The following GALNT7 variants were observed in gnomAD, a reference collection of about 807,000 sequenced individuals.
GALNT7 encodes polypeptide N-acetylgalactosaminyltransferase 7.
Under a neutral mutation model 82.1 loss-of-function variants are expected in GALNT7, and 60 were observed. That is an observed-to-expected ratio of 0.73 (90% CI 0.59 to 0.91). The LOEUF (loss-of-function observed/expected upper bound fraction) is 0.91. Among genes scored for constraint, GALNT7 ranks in the 40% least tolerant of loss-of-function variants. The probability of loss-of-function intolerance (pLI) is 0.00; values close to 1 mark genes in which losing one functional copy is unlikely to be tolerated. For synonymous variants in GALNT7, 243 were observed against 275.1 expected (o/e 0.88, Z 1.15); for missense variants, 660 against 804.2 (o/e 0.82, Z 2.17).
chr4:173,219,105 G>A (rs967777360), intron 1 of GALNT7, among the ~76,000 whole-genome samples: 1 of 152,002 alleles, frequency 6.6e-6, no homozygotes, highest in African/African-American at 2.4e-5. Context: ...TAGCCAATGT[G>A]TAGTCTTTTA....
At chr4:173,235,421 T>A (rs1356906405) in intron 1 of GALNT7, among the ~76,000 whole-genome samples, 1 of 152,200 alleles carries the variant, frequency 6.6e-6, no homozygotes, top group Non-Finnish European at 1.5e-5. Context: ...TAGGCCTTCC[T>A]TCTACAGGCA....
chr4:173,175,068 A>T (rs1432964151), intron 1 of GALNT7, among the ~76,000 whole-genome samples: 1 of 152,226 alleles, frequency 6.6e-6, no homozygotes, highest in Non-Finnish European at 1.5e-5. Context: ...TTGAGTTATT[A>T]AAAAAGTTGG....
At chr4:173,241,223 A>AG (rs113027555) in intron 1 of GALNT7, among the ~76,000 whole-genome samples, 11 of 146,694 alleles carry the variant, frequency 7.5e-5, no homozygotes, top group East Asian at 2.0e-4. Context: ...AAAAAAAAAA[A>AG]AAGAAAGAAA....
In GALNT7 at chr4:173,320,828, G is replaced by A. The variant is rs918706214; in HGVS notation, c.1837-752G>A. 8.6e-5 allele frequency among the ~76,000 whole-genome samples: 13 copies of A among 151,964 alleles called. No individual in the cohort carries two copies. The highest frequency in any genetic ancestry group is 1.9e-4 in the Non-Finnish European group (13 of 67,992). ...CTGAGGGGTCAAGACTGAATAAAAC[G>A]AATGTTTTGCTCCTTCATCAGTGAC... On this transcript the variant is annotated intron_variant, in intron 11 of 11. Transcript: ENST00000265000. The surrounding 1 kb of genome is among the most constrained non-coding windows in gnomAD (Gnocchi z 4.1).
At chr4:173,318,859 A>G (rs1737702441) in intron 11 of GALNT7, among the ~76,000 whole-genome samples, 1 of 152,104 alleles carries the variant, frequency 6.6e-6, no homozygotes, top group African/African-American at 2.4e-5. Flanking sequence ...AGTCATCACC[A>G]TTGCTCTCAT....
intron 1 of GALNT7, among the ~76,000 whole-genome samples, chr4:173,172,262 G>A (rs543676182): frequency 6.5e-4 from 99 of 152,292 alleles, no homozygotes; most frequent in African/African-American, 2.3e-3. Context: ...GTCTGCATGC[G>A]CAGTGGCCTG....
intron 5 of GALNT7, among the ~76,000 whole-genome samples, chr4:173,296,520 CG>C (rs1194088109): frequency 1.3e-5 from 2 of 152,062 alleles, no homozygotes; most frequent in Non-Finnish European, 2.9e-5. Flanking sequence ...ATGTGAAGGC[CG>C]AACATGAACA....
intron 1 of GALNT7, among the ~76,000 whole-genome samples, chr4:173,231,050 A>G (rs1734014485): frequency 6.6e-6 from 1 of 152,226 alleles, no homozygotes; most frequent in South Asian, 2.1e-4. Flanking sequence ...TCACAGTAGT[A>G]CCTCAGTTGG....
At position 173,314,221 on chromosome 4, in the gene GALNT7, T is replaced by C. The variant is rs1398213222; in HGVS notation, c.1608+45T>C. On this transcript the variant is annotated intron_variant, in intron 9 of 11. Coordinates refer to ENST00000265000, the MANE Select transcript of GALNT7 (RefSeq NM_017423.3). ...AATGTATGTGTTTGTAGACTGAGTTTGGGAGAAGGCAGAGAGAGGTGGAAA... is the reference window on the plus strand; with the variant it reads ...AATGTATGTGTTTGTAGACTGAGTTCGGGAGAAGGCAGAGAGAGGTGGAAA... 4 of 1,268,678 alleles carry C rather than the reference T, an allele frequency of 3.2e-6. No individual in the cohort carries two copies. The South Asian group carries it at 4.8e-5, about 15-fold the overall frequency. The allele number at this position is 1,268,678 out of a possible 1,614,324, so 78.6% of individuals were successfully genotyped here.
chr4:173,247,609 A>G (rs1734690432), intron 1 of GALNT7, among the ~76,000 whole-genome samples: 1 of 152,150 alleles, frequency 6.6e-6, no homozygotes, highest in African/African-American at 2.4e-5. Context: ...GGAAAACCAC[A>G]TACTGTACAA....
chr4:173,319,753 G>A (rs1006562269), intron 11 of GALNT7, among the ~76,000 whole-genome samples: 3 of 152,122 alleles, frequency 2.0e-5, no homozygotes, highest in South Asian at 2.1e-4. Flanking sequence ...TTAGACTGTA[G>A]GGGAGTTCAA....
intron 1 of GALNT7, among the ~76,000 whole-genome samples, chr4:173,197,400 A>C (rs1732811492): frequency 6.6e-6 from 1 of 152,236 alleles, no homozygotes. Flanking sequence ...TACACCCTAG[A>C]GTGGACTTTT....
At chr4:173,280,230 A>T (rs1357871720) in intron 2 of GALNT7, among the ~76,000 whole-genome samples, 1 of 152,208 alleles carries the variant, frequency 6.6e-6, no homozygotes. Flanking sequence ...TTGTAGATTA[A>T]TGATAGTGTA....
At chr4:173,231,672 A>T (rs745450540) in intron 1 of GALNT7, among the ~76,000 whole-genome samples, 54 of 152,190 alleles carry the variant, frequency 3.5e-4, no homozygotes, top group Non-Finnish European at 5.1e-4. Context: ...AAAATCAAAA[A>T]TTGCACTGCT....
chr4:173,280,442 C>G (rs1453887981), intron 2 of GALNT7, among the ~76,000 whole-genome samples: 1 of 152,132 alleles, frequency 6.6e-6, no homozygotes, highest in African/African-American at 2.4e-5. Flanking sequence ...ATTGGAAAAT[C>G]ACTATGGAAA....
At chr4:173,195,921 A>G (rs1275899489) in intron 1 of GALNT7, among the ~76,000 whole-genome samples, 6 of 152,242 alleles carry the variant, frequency 3.9e-5, no homozygotes, top group African/African-American at 1.4e-4. Flanking sequence ...TTAATGTTGT[A>G]CAGTCAAAAG....
At chr4:173,262,538 G>A (rs926099925) in intron 2 of GALNT7, among the ~76,000 whole-genome samples, 5 of 151,978 alleles carry the variant, frequency 3.3e-5, no homozygotes, top group East Asian at 1.9e-4. Flanking sequence ...TCTTAGTTTC[G>A]CCTGAGAGCT....
chr4:173,227,744 G>A (rs1015617148), intron 1 of GALNT7, among the ~76,000 whole-genome samples: 6 of 152,108 alleles, frequency 3.9e-5, no homozygotes, highest in African/African-American at 1.4e-4. Context: ...GATTCTCATT[G>A]CTTTTAAGTG....
intron 1 of GALNT7, among the ~76,000 whole-genome samples, chr4:173,172,877 A>C (rs1731920636): frequency 6.6e-6 from 1 of 152,178 alleles, no homozygotes; most frequent in African/African-American, 2.4e-5. Flanking sequence ...GGAGATCTTA[A>C]GTGCGGTGAG....
Sources: gnomAD v4.1 joint callset for allele counts (sites outside exome capture counted in the v4.1 genomes callset) on GRCh38, gnomAD v4.1.1 for gene constraint, Gnocchi (gnomAD v3.1) non-coding constraint, MANE v1.5 for transcripts, NCBI Gene and HGNC (gene_info 2026-07-23, HGNC 2026-07-21) for gene names.